The following IL12RB2 variants were observed in gnomAD, a reference collection of about 807,000 sequenced individuals.
The protein encoded by IL12RB2 is interleukin-12 receptor subunit beta-2.
In IL12RB2, 82 loss-of-function variants were observed where a neutral mutation model predicts 89.4. The observed-to-expected ratio is 0.92, with a 90% CI of 0.77 to 1.10. IL12RB2 has a LOEUF of 1.10. Among genes scored for constraint, IL12RB2 ranks in the 50% least tolerant of loss-of-function variants. The pLI, the probability that IL12RB2 is intolerant of heterozygous loss-of-function variation, is 0.00. For missense variants in IL12RB2, 963 were observed against 1,031.9 expected, an observed-to-expected ratio of 0.93 and a Z score of 0.92; for synonymous variants, 368 against 370.1, an observed-to-expected ratio of 0.99 and a Z score of 0.07.
At chr1:67,320,839 A>C (rs942661759) in intron 3 of IL12RB2, among the ~76,000 whole-genome samples, 1 of 152,018 alleles carries the variant, frequency 6.6e-6, no homozygotes, top group Admixed American at 6.6e-5. Context: ...TGCTGCACCC[A>C]TCAACCCGTC....
rs907786907 is a variant in IL12RB2, at chr1:67,396,239, G to A, written c.*150G>A. On this transcript the variant is annotated 3_prime_UTR_variant, in exon 17 of 17. Transcript: ENST00000674203. ...GGACAGGCAAGCCAGCTCTGGGGGAGTCTTAGGAACTGGGAGTTGGTCTTC... is the reference window on the plus strand; with the variant it reads ...GGACAGGCAAGCCAGCTCTGGGGGAATCTTAGGAACTGGGAGTTGGTCTTC... 1.1e-5 allele frequency: 8 copies of A among 747,474 alleles called. No homozygotes were observed. In the African/African-American group the frequency reaches 1.2e-4, roughly 11 times the overall value. 46.3% of individuals were successfully genotyped at this position (747,474 alleles called of 1,614,324 possible). A position where few individuals can be genotyped will look rare whatever the true frequency, so the allele number is the denominator to read the frequency against.
intron 8 of IL12RB2, among the ~76,000 whole-genome samples, chr1:67,335,055 TCTC>T (rs1658588401): frequency 6.6e-6 from 1 of 152,216 alleles, no homozygotes; most frequent in East Asian, 1.9e-4. Context: ...CTTCACTTGT[TCTC>T]CTCTAAGCTC....
At chr1:67,316,996 T>A (rs776074229) in intron 2 of IL12RB2, among the ~76,000 whole-genome samples, 5 of 152,196 alleles carry the variant, frequency 3.3e-5, no homozygotes, top group Non-Finnish European at 5.9e-5. Flanking sequence ...GACTTGGCAC[T>A]TAGCAGCTGC....
At chr1:67,330,273 T>A (rs1247955193) in intron 7 of IL12RB2, among the ~76,000 whole-genome samples, 13 of 150,510 alleles carry the variant, frequency 8.6e-5, no homozygotes, top group Admixed American at 2.6e-4. Context: ...AGGGTTTTTT[T>A]AAAAAAAAAA....
intron 14 of IL12RB2, among the ~76,000 whole-genome samples, 180 bp from the exon 15 acceptor site, chr1:67,386,399 G>A (rs1665150943): frequency 6.6e-6 from 1 of 152,032 alleles, no homozygotes; most frequent in Admixed American, 6.6e-5. Flanking sequence ...TGGAACCATA[G>A]AATTGGTCCC....
intron 11 of IL12RB2, among the ~76,000 whole-genome samples, chr1:67,370,869 T>C (rs2101003605): frequency 6.6e-6 from 1 of 152,260 alleles, no homozygotes; most frequent in Non-Finnish European, 1.5e-5. Flanking sequence ...TTGTCTTCTC[T>C]CCTCCGCTAA....
intron 10 of IL12RB2, among the ~76,000 whole-genome samples, chr1:67,364,946 T>C (rs986782000): frequency 5.3e-5 from 8 of 152,100 alleles, no homozygotes; most frequent in Non-Finnish European, 1.0e-4. Context: ...AGAATAGATA[T>C]CATGCAATGT....
At chr1:67,363,016 C>T (rs1662280323) in intron 10 of IL12RB2, among the ~76,000 whole-genome samples, 1 of 151,616 alleles carries the variant, frequency 6.6e-6, no homozygotes, top group Admixed American at 6.6e-5. Flanking sequence ...GATTCTCCTG[C>T]CTCAGCCTCC....
At chr1:67,329,072 C>T (rs1657708339) in intron 6 of IL12RB2, among the ~76,000 whole-genome samples, 3 of 152,248 alleles carry the variant, frequency 2.0e-5, no homozygotes, top group Admixed American at 2.0e-4. Flanking sequence ...TGATCATTGG[C>T]ATTTACTATA....
chr1:67,312,663 G>A, intron 1 of IL12RB2, among the ~76,000 whole-genome samples: 1 of 129,922 alleles, frequency 7.7e-6, no homozygotes. Context: ...AAAGAATAAA[G>A]GAAGTTAAGA....
At chr1:67,346,107 A>G (rs1373729130) in intron 9 of IL12RB2, among the ~76,000 whole-genome samples, 3 of 152,156 alleles carry the variant, frequency 2.0e-5, no homozygotes, top group Non-Finnish European at 2.9e-5. Flanking sequence ...ACCTCTTGGT[A>G]GAGCTGTGCC....
chr1:67,351,774 T>C (rs1660874502), intron 10 of IL12RB2, among the ~76,000 whole-genome samples: 1 of 152,208 alleles, frequency 6.6e-6, no homozygotes, highest in South Asian at 2.1e-4. Context: ...AATTCCCAAC[T>C]AGATGTAGAG....
chr1:67,379,894 A>T, intron 13 of IL12RB2, 92 bp from the exon 14 acceptor site: 1 of 1,021,510 alleles, frequency 9.8e-7, no homozygotes, highest in Non-Finnish European at 1.5e-6. Flanking sequence ...CTTCCAAATT[A>T]AATGAAGCAT....
intron 15 of IL12RB2, among the ~76,000 whole-genome samples, chr1:67,389,255 G>C (rs895551690): frequency 2.6e-5 from 4 of 151,184 alleles, no homozygotes; most frequent in Non-Finnish European, 5.9e-5. Flanking sequence ...AGACACTTCT[G>C]CTCATATTTC....
chr1:67,313,656 T>C (rs1290903835), intron 1 of IL12RB2, among the ~76,000 whole-genome samples: 1 of 152,132 alleles, frequency 6.6e-6, no homozygotes, highest in East Asian at 1.9e-4. Flanking sequence ...ACCCCATCTC[T>C]ACTAAAAATA....
chr1:67,336,706 T>A (rs2100728824), intron 8 of IL12RB2, among the ~76,000 whole-genome samples: 1 of 152,302 alleles, frequency 6.6e-6, no homozygotes, highest in South Asian at 2.1e-4. Flanking sequence ...GGGATGGAAG[T>A]ATCGCAGAGA....
In IL12RB2 at chr1:67,330,742, A is replaced by G. The variant is rs1657970111; in HGVS notation, c.890A>G (p.Lys297Arg). 6.5e-7 allele frequency: 1 copy of G among 1,542,608 alleles called. No homozygotes were observed. The highest frequency in any genetic ancestry group is 1.4e-5 in the African/African-American group (1 of 73,472). The change falls in exon 8 of 17, where the codon AAG (lysine) becomes AGG (arginine). Residue 297 changes from lysine (K) to arginine (R), a missense_variant. By Grantham distance (26) the Lys-to-Arg change is conservative. Transcript: ENST00000674203. The stretch of plus-strand genomic sequence containing the variant: ...GAATATGAATTTCAGATTTCCTCTA[A>G]GCTACATCTTTATAAGGGAAGTTGG... Reference protein sequence around the residue: ...FTEYEFQISSKLHLYKGSWSD... With the variant: ...FTEYEFQISSRLHLYKGSWSD...
intron 2 of IL12RB2, among the ~76,000 whole-genome samples, chr1:67,316,005 A>T (rs1655708397): frequency 6.6e-6 from 1 of 152,228 alleles, no homozygotes; most frequent in African/African-American, 2.4e-5. Context: ...TAGTAGAATA[A>T]GATTTAATGT....
chr1:67,345,475 C>A (rs1660114808), intron 9 of IL12RB2, among the ~76,000 whole-genome samples: 1 of 152,168 alleles, frequency 6.6e-6, no homozygotes, highest in African/African-American at 2.4e-5. Context: ...TTGGCCTCCT[C>A]ATATGAAAAA....
Sources: gnomAD v4.1 joint callset for allele counts (sites outside exome capture counted in the v4.1 genomes callset) on GRCh38, gnomAD v4.1.1 for gene constraint, MANE v1.5 for transcripts, NCBI Gene and HGNC (gene_info 2026-07-23, HGNC 2026-07-21) for gene names.